The following NUP205 variants were observed in gnomAD, a reference collection of about 807,000 sequenced individuals.
NUP205 encodes the protein nucleoporin 205.
In NUP205, 76 loss-of-function variants were observed where a neutral mutation model predicts 253.8. That is an observed-to-expected ratio of 0.30 (90% CI 0.25 to 0.36). The LOEUF (loss-of-function observed/expected upper bound fraction) is 0.36. Ranked by LOEUF, NUP205 falls within the 10% of genes least tolerant of loss-of-function variation. The pLI is 1.00. For synonymous variants in NUP205, 832 were observed against 850.1 expected (o/e 0.98, Z 0.37); for missense variants, 2,162 against 2,425.5 (o/e 0.89, Z 2.28).
intron 35 of NUP205, among the ~76,000 whole-genome samples, chr7:135,632,299 T>C (rs1469033464): frequency 2.6e-5 from 4 of 152,234 alleles, no homozygotes; most frequent in Admixed American, 6.5e-5. Context: ...AGCAGTCTTA[T>C]GAGGTAGAAC....
chr7:135,611,629 T>A (rs943112103), intron 22 of NUP205, among the ~76,000 whole-genome samples: 2 of 152,116 alleles, frequency 1.3e-5, no homozygotes, highest in African/African-American at 4.8e-5. Context: ...CAATGTAAAT[T>A]ACATTCAGGT....
At chr7:135,562,545 CTTTTTTTTT>C (rs34482653) in intron 1 of NUP205, among the ~76,000 whole-genome samples, 2 of 97,396 alleles carry the variant, frequency 2.1e-5, no homozygotes, top group African/African-American at 3.9e-5. Context: ...GACCAAAATC[CTTTTTTTTT>C]TTTTTTTTTT....
chr7:135,584,041 C>G (rs1276270289), intron 7 of NUP205, among the ~76,000 whole-genome samples: 1 of 151,858 alleles, frequency 6.6e-6, no homozygotes, highest in African/African-American at 2.4e-5. Context: ...TGAGGTTTCT[C>G]CATACTCCCG....
At chr7:135,588,081 C>A in intron 10 of NUP205, 89 bp downstream of exon 10, 1 of 1,145,012 alleles carries the variant, frequency 8.7e-7, no homozygotes, top group Non-Finnish European at 1.2e-6. Context: ...GATTTTATTG[C>A]TGTTAACACA....
chr7:135,604,075 T>C (rs1343522412), intron 18 of NUP205, among the ~76,000 whole-genome samples: 1 of 152,200 alleles, frequency 6.6e-6, no homozygotes, highest in African/African-American at 2.4e-5. Flanking sequence ...AATGACCTCG[T>C]CTGAACTCGA....
chr7:135,628,437 T>C (rs535316925), intron 34 of NUP205, among the ~76,000 whole-genome samples: 1 of 152,282 alleles, frequency 6.6e-6, no homozygotes, highest in African/African-American at 2.4e-5. Context: ...AGGTATCTAT[T>C]GAGAGAGGGC....
At chr7:135,621,890 C>T (rs1488602938) in intron 30 of NUP205, among the ~76,000 whole-genome samples, 1 of 152,032 alleles carries the variant, frequency 6.6e-6, no homozygotes, top group Non-Finnish European at 1.5e-5. Context: ...GCAACCTCCA[C>T]CTCCTGGGTT....
At chr7:135,604,114 C>A (rs1027830568) in intron 18 of NUP205, among the ~76,000 whole-genome samples, 4 of 152,180 alleles carry the variant, frequency 2.6e-5, no homozygotes, top group Admixed American at 2.0e-4. Context: ...ACCCTACTTT[C>A]AGATAAGGTC....
chr7:135,638,049 C>T lies in NUP205; in HGVS notation c.5255C>T (p.Ala1752Val). The T allele has an allele frequency of 6.2e-7, 1 of 1,613,392 alleles. No individual in the cohort carries two copies. Among genetic ancestry groups the T allele is most frequent in the South Asian group, 1.1e-5 (1 of 90,996 alleles). ...KVSKKDEIEL[A>V]MQQICANVME... Reference sequence around the variant, plus strand: ...AGCAAGAAAGATGAGATTGAACTGGCTATGCAGCAGGTAAGAACCATGTGA... The same window carrying T: ...AGCAAGAAAGATGAGATTGAACTGGTTATGCAGCAGGTAAGAACCATGTGA... Residue 1752 changes from alanine (A) to valine (V), a missense_variant, in exon 37 of 43, where the codon GCT becomes GTT. Physicochemically the swap from Ala to Val is moderately conservative, Grantham distance 64 (BLOSUM62 0). Coordinates refer to ENST00000285968, the MANE Select transcript of NUP205 (RefSeq NM_015135.3).
intron 18 of NUP205, among the ~76,000 whole-genome samples, chr7:135,603,271 A>G (rs2129490606): frequency 6.6e-6 from 1 of 151,826 alleles, no homozygotes; most frequent in South Asian, 2.1e-4. Context: ...GAGTGCCACC[A>G]TGCTCAGCTA....
chr7:135,562,577 CT>C, intron 1 of NUP205, among the ~76,000 whole-genome samples: 1 of 113,966 alleles, frequency 8.8e-6, no homozygotes, highest in South Asian at 3.0e-4. Context: ...GAGACAGAGT[CT>C]GGCTCTGTTG....
chr7:135,608,171 C>T lies in NUP205; in HGVS notation c.3195+800C>T, dbSNP rs908552547. ...CCTCCCAAGTAGCTGGGACTACAGGCGTGCCCACCATGCCCAGCTAATTTT... is the reference window on the plus strand; with the variant it reads ...CCTCCCAAGTAGCTGGGACTACAGGTGTGCCCACCATGCCCAGCTAATTTT... On this transcript the variant is annotated intron_variant, in intron 22 of 42. Transcript: ENST00000285968. 3.3e-5 allele frequency among the ~76,000 whole-genome samples: 5 copies of T among 151,892 alleles called. No homozygotes were observed. The East Asian group carries it at 7.8e-4, about 24-fold the overall frequency.
chr7:135,575,844 G>A (rs547898297), intron 3 of NUP205, among the ~76,000 whole-genome samples: 1 of 152,264 alleles, frequency 6.6e-6, no homozygotes, highest in Admixed American at 6.5e-5. Context: ...GACTGAACTT[G>A]AATTATAAAA....
intron 35 of NUP205, among the ~76,000 whole-genome samples, chr7:135,634,500 G>A (rs547649928): frequency 2.0e-5 from 3 of 152,154 alleles, no homozygotes; most frequent in Admixed American, 6.5e-5. Flanking sequence ...AGATGGGAAA[G>A]GAGGGCATAA....
intron 1 of NUP205, among the ~76,000 whole-genome samples, chr7:135,561,775 C>T (rs952218427): frequency 6.6e-6 from 1 of 152,164 alleles, no homozygotes; most frequent in Non-Finnish European, 1.5e-5. Flanking sequence ...ATTCACTTCT[C>T]TCTCTTGCTC....
chr7:135,617,055 C>G, intron 25 of NUP205, 35 bp from the exon 26 acceptor site: 5 of 1,510,724 alleles, frequency 3.3e-6, no homozygotes, highest in Non-Finnish European at 4.5e-6. Flanking sequence ...TTTCAATGTC[C>G]CAAGTAAAAT....
chr7:135,564,724 G>A (rs898562884), intron 1 of NUP205, among the ~76,000 whole-genome samples: 4 of 151,706 alleles, frequency 2.6e-5, no homozygotes, highest in South Asian at 2.1e-4. Context: ...TATTAATGAC[G>A]AACTAAGTAG....
At chr7:135,647,435 T>A (rs1397196906) in intron 42 of NUP205, among the ~76,000 whole-genome samples, 1 of 152,276 alleles carries the variant, frequency 6.6e-6, no homozygotes, top group Non-Finnish European at 1.5e-5. Context: ...GAATTCGTTT[T>A]GTGGCTAGGC....
intron 14 of NUP205, 65 bp from the exon 15 acceptor site, chr7:135,597,933 A>C: frequency 1.1e-5 from 14 of 1,250,866 alleles, no homozygotes; most frequent in Non-Finnish European, 1.6e-5. Flanking sequence ...TAATGTCTGC[A>C]TAATACTCTT....
Sources: allele counts gnomAD v4.1 joint callset (sites outside exome capture counted in the v4.1 genomes callset), GRCh38; gene constraint gnomAD v4.1.1; transcripts MANE v1.5; gene names NCBI Gene and HGNC (gene_info 2026-07-23, HGNC 2026-07-21).